Variants in SLC38A2 observed in about 807,000 individuals in gnomAD.
SLC38A2 encodes the protein solute carrier family 38 member 2, also known as sodium-coupled neutral amino acid symporter 2.
A neutral mutation model predicts 61.5 loss-of-function variants in SLC38A2; 11 were observed. That is an observed-to-expected ratio of 0.18 (90% CI 0.11 to 0.30). The LOEUF (loss-of-function observed/expected upper bound fraction) is 0.30. Ranked by LOEUF, SLC38A2 falls within the 10% of genes least tolerant of loss-of-function variation. SLC38A2 has a pLI of 1.00. For synonymous variants in SLC38A2, 217 were observed against 212.5 expected (o/e 1.02, Z -0.18); for missense variants, 522 against 600.4 (o/e 0.87, Z 1.36).
In SLC38A2 at chr12:46,366,440, G is replaced by T. The variant is rs147911820; in HGVS notation, c.563+424C>A. Among the ~76,000 whole-genome samples the T allele has an allele frequency of 2.5e-3, 374 of 152,162 alleles. 3 individuals carry two copies. Among genetic ancestry groups the T allele is most frequent in the African/African-American group, 8.7e-3 (363 of 41,516 alleles). ...TCATGTTGGCACTCAAAAAGTTTTG[G>T]ATTTCAGATTAGGGATGTCCAGCCT... is the stretch of plus-strand genomic sequence containing the variant. On this transcript the variant is annotated intron_variant, in intron 7 of 15. Coordinates refer to ENST00000256689, the MANE Select transcript of SLC38A2 (RefSeq NM_018976.5).
In SLC38A2 at chr12:46,363,678, G is replaced by GT. The variant is rs537650286; in HGVS notation, c.1054+47dup. 3,651 of 1,202,220 alleles carry GT rather than the reference G, an allele frequency of 3.0e-3. 5 individuals are homozygous for GT. Among genetic ancestry groups the GT allele is most frequent in the African/African-American group, 3.6e-3 (235 of 64,560 alleles). 74.5% of individuals were successfully genotyped at this position (1,202,220 alleles called of 1,614,324 possible). A position where few individuals can be genotyped will look rare whatever the true frequency, so the allele number is the denominator to read the frequency against. On this transcript the variant is annotated intron_variant, in intron 12 of 15. Coordinates refer to ENST00000256689, the MANE Select transcript of SLC38A2 (RefSeq NM_018976.5). The stretch of plus-strand genomic sequence containing the variant: ...AACTAGCAGCTTCATTTCAATAAGC[G>GT]TTTTTTTTTGTTTTTGTTTTTGTTT...
rs1565830976 is a variant in SLC38A2, at chr12:46,371,316, G to A, written c.-23C>T. On this transcript the variant is annotated 5_prime_UTR_variant, in exon 2 of 16. Coordinates refer to ENST00000256689, the MANE Select transcript of SLC38A2 (RefSeq NM_018976.5). Reference sequence around the variant, plus strand: ...CATGCTAAGCACTGGGAGGAATCGGGTGCAGCTAGTAGCGCTGGGCTCCTT... The same window carrying A: ...CATGCTAAGCACTGGGAGGAATCGGATGCAGCTAGTAGCGCTGGGCTCCTT... 1.9e-6 allele frequency: 3 copies of A among 1,590,018 alleles called. No individual in the cohort carries two copies. Among genetic ancestry groups the A allele is most frequent in the African/African-American group, 1.3e-5 (1 of 74,568 alleles).
rs1943184549 is a variant in SLC38A2, at chr12:46,370,557, AGG to A, written c.267_268del (p.Leu90TrpfsTer8). 1 of 1,614,092 alleles carries A rather than the reference AGG, an allele frequency of 6.2e-7. No homozygotes were observed. The highest frequency in any genetic ancestry group is 1.3e-5 in the African/African-American group (1 of 74,952). ...ATTAGCCATGGCATAAGAAAGCCCA[AGG>A]ATTCCACTGCCCACAATCGCATTGC... On this transcript the variant is annotated frameshift_variant, in exon 4 of 16. Transcript: ENST00000256689. LOFTEE classifies it high-confidence loss of function.
In SLC38A2 at chr12:46,370,586, CAGATT is replaced by C; in HGVS notation, c.235_239del (p.Asn79GlufsTer18). On this transcript the variant is annotated frameshift_variant, in exon 4 of 16. Transcript: ENST00000256689. LOFTEE classifies it high-confidence loss of function. ...TTCCACTGCCCACAATCGCATTGCTCAGATTAAATACTGACATTCCAAAGGAAGTA... is the reference window on the plus strand; with the variant it reads ...TTCCACTGCCCACAATCGCATTGCTCAAATACTGACATTCCAAAGGAAGTA... 6.2e-7 allele frequency: 1 copy of C among 1,614,128 alleles called. No homozygotes were observed. The highest frequency in any genetic ancestry group is 1.7e-5 in the Admixed American group (1 of 60,026).
intron 4 of SLC38A2, among the ~76,000 whole-genome samples, chr12:46,367,930 C>T (rs142181183): frequency 1.4e-3 from 212 of 152,050 alleles, no homozygotes; most frequent in African/African-American, 4.9e-3. Context: ...GCCAGGAGTT[C>T]GAGATCAGCT....
rs772020058 is a variant in SLC38A2 at position 46,370,519 on chromosome 12, G to A, written c.307C>T (p.Leu103Phe). ...CTACTTACACATACTTACATAAAAA[G>A]AGCAATTCCAGTATTAGCCATGGCA... ...SYAMANTGIA[L>F]FIILLTFVSI... Residue 103 changes from leucine (L) to phenylalanine (F), a missense_variant, in exon 4 of 16, where the codon CTT becomes TTT. Physicochemically the swap from Leu to Phe is conservative, Grantham distance 22. Transcript: ENST00000256689. The A allele has an allele frequency of 1.1e-5, 18 of 1,611,570 alleles. No individual in the cohort carries two copies. In the East Asian group the frequency reaches 3.8e-4, roughly 34 times the overall value.
At chr12:46,363,254 ATAAAC>A (rs1191197926) in intron 12 of SLC38A2, 109 bp from the exon 13 acceptor site, 3 of 1,226,590 alleles carry the variant, frequency 2.4e-6, no homozygotes, top group East Asian at 2.4e-5. Flanking sequence ...CAAAACGACT[ATAAAC>A]TAAGAGGCTA....
chr12:46,362,254 C>A (rs778663407), intron 15 of SLC38A2, 30 bp downstream of exon 15: 24 of 1,493,536 alleles, frequency 1.6e-5, no homozygotes, highest in Non-Finnish European at 2.0e-5. Flanking sequence ...GATATTATTA[C>A]TGTTTCTATG....
At chr12:46,371,464 A>T in intron 1 of SLC38A2, 85 bp from the exon 2 acceptor site, 3 of 600,432 alleles carry the variant, frequency 5.0e-6, no homozygotes, top group South Asian at 3.9e-5. Context: ...AGCGCGGCTG[A>T]TTCATCCCAG....
At chr12:46,370,890 C>G in intron 2 of SLC38A2, 33 bp from the exon 3 acceptor site, 1 of 1,515,434 alleles carries the variant, frequency 6.6e-7, no homozygotes. Flanking sequence ...TAATTGTAAA[C>G]TGGATTGAAA....
chr12:46,362,803 T>C lies in SLC38A2; in HGVS notation c.1180-165A>G, dbSNP rs780902465. ...CTCTTTCTCTGCTGTTTCCTGAACA[T>C]CTGAACACTTAAAGATCATTTTATA... is the stretch of plus-strand genomic sequence containing the variant. On this transcript the variant is annotated intron_variant, in intron 13 of 15. Coordinates refer to ENST00000256689, the MANE Select transcript of SLC38A2 (RefSeq NM_018976.5). 7 of 939,642 alleles carry C rather than the reference T, an allele frequency of 7.4e-6. No individual in the cohort carries two copies. The South Asian group carries it at 1.1e-4, about 15-fold the overall frequency. 58.2% of individuals were successfully genotyped at this position (939,642 alleles called of 1,614,324 possible).
In SLC38A2 at chr12:46,362,518, T is replaced by G. The variant is rs772400892; in HGVS notation, c.1300A>C (p.Ile434Leu). 6.3e-7 allele frequency: 1 copy of G among 1,598,526 alleles called. No individual in the cohort carries two copies. Among genetic ancestry groups the G allele is most frequent in the South Asian group, 1.1e-5 (1 of 87,206 alleles). The change falls in exon 14 of 16, where the codon ATT (isoleucine) becomes CTT (leucine). Residue 434 changes from isoleucine (I) to leucine (L), a missense_variant. Ile to Leu is a conservative substitution (Grantham distance 5). Around this residue, in one of 3 missense-constraint regions of SLC38A2, gnomAD observed 309 missense variants for 343.9 expected, o/e 0.90. Coordinates refer to ENST00000256689, the MANE Select transcript of SLC38A2 (RefSeq NM_018976.5). ...TNLLVIFVPT[I>L]RDIFGFIGAS... ...CCAATAAAACCAAAGATATCCCTAA[T>G]AGTTGGGACAAAGATGACAAGTAAA...
At chr12:46,369,375 T>G (rs76759163) in intron 4 of SLC38A2, among the ~76,000 whole-genome samples, 1,526 of 152,304 alleles carry the variant, frequency 0.01, 23 homozygotes, top group African/African-American at 0.035. Flanking sequence ...CATCTAGTAC[T>G]CAAAGCCAGG....
intron 7 of SLC38A2, among the ~76,000 whole-genome samples, chr12:46,365,771 T>G (rs1943133158): frequency 6.6e-6 from 1 of 152,142 alleles, no homozygotes; most frequent in Non-Finnish European, 1.5e-5. Context: ...GAGTATGTTG[T>G]GACATCTTGA....
At chr12:46,363,471 C>CA (rs1565827425) in intron 12 of SLC38A2, among the ~76,000 whole-genome samples, 2 of 151,952 alleles carry the variant, frequency 1.3e-5, no homozygotes, top group Non-Finnish European at 2.9e-5. Flanking sequence ...AATATGAACT[C>CA]AGAGGCTGGC....
intron 12 of SLC38A2, among the ~76,000 whole-genome samples, chr12:46,363,432 G>T (rs1943105112): frequency 6.6e-6 from 1 of 152,034 alleles, no homozygotes; most frequent in South Asian, 2.1e-4. Flanking sequence ...GTGTTACATA[G>T]TCTGAAGGTG....
At chr12:46,361,679 A>G (rs375555185) in intron 15 of SLC38A2, among the ~76,000 whole-genome samples, 6 of 152,314 alleles carry the variant, frequency 3.9e-5, no homozygotes, top group African/African-American at 1.4e-4. Context: ...TGGTTTATAA[A>G]CAATTCTAGT....
chr12:46,371,258 G>A lies in SLC38A2; in HGVS notation c.36C>T (p.Ser12=). ...KKAEMGRFSI[S]PDEDSSSYSS... is the part of the protein sequence containing the mutation. ...TGTAGCTGCTGCTGTCTTCATCCGG[G>A]GAAATACTGAATCGTCCCATTTCGG... The change falls in exon 2 of 16, where the codon TCC becomes TCT. Residue 12 remains serine (S), a synonymous_variant. Coordinates refer to ENST00000256689, the MANE Select transcript of SLC38A2 (RefSeq NM_018976.5). 2.5e-6 allele frequency: 4 copies of A among 1,614,218 alleles called. No homozygotes were observed. Among genetic ancestry groups the A allele is most frequent in the Non-Finnish European group, 1.7e-6 (2 of 1,180,042 alleles).
Position 46,364,722 on chromosome 12 carries a change from G to A in SLC38A2, c.647-20C>T. ...AATATCCTATAAGGAGGGGTGGCAG[G>A]AATCAGTATTAGTTTAATGAAACAG... On this transcript the variant is annotated intron_variant, in intron 8 of 15. Coordinates refer to ENST00000256689, the MANE Select transcript of SLC38A2 (RefSeq NM_018976.5). 6.3e-7 allele frequency: 1 copy of A among 1,591,968 alleles called. No homozygotes were observed. The highest frequency in any genetic ancestry group is 2.2e-5 in the East Asian group (1 of 44,738).
Sources: gnomAD v4.1 joint callset for allele counts (sites outside exome capture counted in the v4.1 genomes callset) on GRCh38, gnomAD v4.1.1 for gene constraint, gnomAD v4.1.1 regional missense constraint, MANE v1.5 for transcripts, NCBI Gene and HGNC (gene_info 2026-07-23, HGNC 2026-07-21) for gene names.